The following LHFPL2 variants were observed in gnomAD, a reference collection of about 807,000 sequenced individuals.
The protein encoded by LHFPL2 is LHFPL tetraspan subfamily member 2.
In LHFPL2, 7 loss-of-function variants were observed where a neutral mutation model predicts 17.5. The observed-to-expected ratio is 0.40, with a 90% confidence interval of 0.23 to 0.75. The LOEUF (loss-of-function observed/expected upper bound fraction) is 0.75, where lower values mean the gene tolerates loss of function less well. LHFPL2 is among the 30% of genes least tolerant of loss of function. LHFPL2 has a pLI of 0.37. For missense variants in LHFPL2, 241 were observed against 294.8 expected (o/e 0.82, Z 1.34); for synonymous variants, 134 against 116.2 (o/e 1.15, Z -0.99).
chr5:78,522,901 CA>C (rs1755499638), intron 3 of LHFPL2, among the ~76,000 whole-genome samples: 1 of 152,134 alleles, frequency 6.6e-6, no homozygotes, highest in Admixed American at 6.5e-5. Context: ...GGGAAGTAAA[CA>C]GACGGTTAAT....
chr5:78,560,167 T>C (rs1756687514), intron 3 of LHFPL2, among the ~76,000 whole-genome samples: 1 of 152,198 alleles, frequency 6.6e-6, no homozygotes, highest in Admixed American at 6.5e-5. Context: ...ATGTGGCCTA[T>C]CCTCAAACCC....
intron 3 of LHFPL2, among the ~76,000 whole-genome samples, chr5:78,538,513 G>C (rs1367734319): frequency 2.0e-5 from 3 of 152,150 alleles, no homozygotes; most frequent in African/African-American, 7.2e-5. Context: ...ACACAACACA[G>C]TATTCTAGTT....
intron 3 of LHFPL2, among the ~76,000 whole-genome samples, chr5:78,526,321 G>A (rs1469955469): frequency 6.6e-6 from 1 of 152,186 alleles, no homozygotes; most frequent in African/African-American, 2.4e-5. Flanking sequence ...GGTAGCTGAA[G>A]TCTGAAATAA....
chr5:78,546,466 T>C (rs1353777896), intron 3 of LHFPL2, among the ~76,000 whole-genome samples: 1 of 152,166 alleles, frequency 6.6e-6, no homozygotes, highest in African/African-American at 2.4e-5. Flanking sequence ...AGACTCAGCT[T>C]CCCCATGCAT....
intron 1 of LHFPL2, among the ~76,000 whole-genome samples, chr5:78,647,611 G>GA (rs1227836526): frequency 6.6e-6 from 1 of 152,110 alleles, no homozygotes; most frequent in African/African-American, 2.4e-5. Flanking sequence ...TCACAACAGA[G>GA]AAAATGGGAC....
chr5:78,571,357 G>C (rs549554833), intron 2 of LHFPL2, among the ~76,000 whole-genome samples: 1 of 152,228 alleles, frequency 6.6e-6, no homozygotes, highest in African/African-American at 2.4e-5. Context: ...CTCTGCTCAA[G>C]ACCCAACTTC....
At chr5:78,490,041 G>C (rs1442398682) in intron 4 of LHFPL2, among the ~76,000 whole-genome samples, 1 of 152,180 alleles carries the variant, frequency 6.6e-6, no homozygotes, top group African/African-American at 2.4e-5. Context: ...AGATGTTTCT[G>C]TATTTATATA....
rs1414378024 is a variant in LHFPL2 at position 78,581,882 on chromosome 5, T to G, written c.-244-17011A>C. ...AAGGAGTGGTACCAGTTCCTCCTTG[T>G]ACCTCTGGTAGAATTCGGCTGTGAA... On this transcript the variant is annotated intron_variant, in intron 2 of 4. Coordinates refer to ENST00000380345, the MANE Select transcript of LHFPL2 (RefSeq NM_005779.3). Among the ~76,000 whole-genome samples the G allele has an allele frequency of 1.3e-4, 20 of 152,386 alleles. No individual in the cohort carries two copies. In the East Asian group the frequency reaches 3.9e-3, roughly 29 times the overall value.
Position 78,648,269 on chromosome 5 carries a change from G to A in LHFPL2, c.-350+230C>T, listed in dbSNP as rs1197183668. 6.6e-6 allele frequency among the ~76,000 whole-genome samples: 1 copy of A among 152,078 alleles called. No individual in the cohort carries two copies. Among genetic ancestry groups the A allele is most frequent in the East Asian group, 1.9e-4 (1 of 5,178 alleles). ...CGGCCGCCGGCGGCGCTGAGAAGCAGCTGTTCCCTTCCCATTCCCAGCACC... is the reference window on the plus strand; with the variant it reads ...CGGCCGCCGGCGGCGCTGAGAAGCAACTGTTCCCTTCCCATTCCCAGCACC... On this transcript the variant is annotated intron_variant, in intron 1 of 4. Coordinates refer to ENST00000380345, the MANE Select transcript of LHFPL2 (RefSeq NM_005779.3). The surrounding 1 kb of genome is among the most constrained non-coding windows in gnomAD (Gnocchi z 5.4).
At chr5:78,514,114 T>C (rs1755217521) in intron 3 of LHFPL2, among the ~76,000 whole-genome samples, 1 of 152,192 alleles carries the variant, frequency 6.6e-6, no homozygotes, top group Non-Finnish European at 1.5e-5. Flanking sequence ...ACAGCCCTCT[T>C]CGGCCTGGCA....
intron 2 of LHFPL2, among the ~76,000 whole-genome samples, chr5:78,617,054 G>A (rs185336408): frequency 2.6e-5 from 4 of 151,326 alleles, no homozygotes; most frequent in African/African-American, 4.9e-5. Flanking sequence ...TTGAGATGGA[G>A]TTTTACTCTT....
intron 2 of LHFPL2, among the ~76,000 whole-genome samples, chr5:78,565,362 GA>G (rs1580811911): frequency 6.6e-6 from 1 of 152,116 alleles, no homozygotes; most frequent in Non-Finnish European, 1.5e-5. Flanking sequence ...TGGGAAAGTG[GA>G]AAAAGGGCCA....
intron 1 of LHFPL2, among the ~76,000 whole-genome samples, chr5:78,637,310 G>A (rs557232730): frequency 1.6e-4 from 24 of 151,778 alleles, no homozygotes; most frequent in African/African-American, 5.8e-4. Flanking sequence ...TTTAATGGAA[G>A]GAAGTTAGAG....
intron 1 of LHFPL2, among the ~76,000 whole-genome samples, chr5:78,645,591 C>CACACACACACACAT (rs1195015805): frequency 1.6e-5 from 2 of 126,592 alleles, no homozygotes; most frequent in Admixed American, 7.8e-5. Context: ...CACACACACA[C>CACACACACACACAT]ATTTTTTTTG....
rs148530623 is a variant in LHFPL2, at chr5:78,507,207, G to A, written c.430+2577C>T. Among the ~76,000 whole-genome samples, 655 of 152,220 alleles carry A rather than the reference G, an allele frequency of 4.3e-3. 6 individuals carry two copies. The highest frequency in any genetic ancestry group is 0.015 in the African/African-American group (623 of 41,548). ...TAGCCAGGCATGGTGGCAGGTGCCT[G>A]TCATCCCAGGTACTTGGGAGGCTGA... On this transcript the variant is annotated intron_variant, in intron 4 of 4. Coordinates refer to ENST00000380345, the MANE Select transcript of LHFPL2 (RefSeq NM_005779.3).
intron 3 of LHFPL2, among the ~76,000 whole-genome samples, chr5:78,547,067 C>T (rs1756299600): frequency 6.6e-6 from 1 of 151,990 alleles, no homozygotes; most frequent in African/African-American, 2.4e-5. Flanking sequence ...CCCCCATCAC[C>T]TCCAGGTAGC....
In LHFPL2 at chr5:78,547,666, C is replaced by CA. The variant is rs200894390; in HGVS notation, c.-186+17146dup. Among the ~76,000 whole-genome samples the CA allele has an allele frequency of 5.7e-4, 85 of 148,836 alleles. 1 individual carries two copies. The East Asian group carries it at 8.0e-3, about 14-fold the overall frequency. ...CACACGTATGAAATATTAACAGGGA[C>CA]AAAAAAAAAATTGAGAAATTCAGAG... On this transcript the variant is annotated intron_variant, in intron 3 of 4. Coordinates refer to ENST00000380345, the MANE Select transcript of LHFPL2 (RefSeq NM_005779.3).
chr5:78,505,655 A>G (rs2112313636), intron 4 of LHFPL2, among the ~76,000 whole-genome samples: 1 of 152,344 alleles, frequency 6.6e-6, no homozygotes, highest in East Asian at 1.9e-4. Flanking sequence ...GTTTGATTGG[A>G]ACAGAGTAAG....
intron 2 of LHFPL2, among the ~76,000 whole-genome samples, chr5:78,577,137 T>A (rs1412661720): frequency 1.3e-5 from 2 of 152,176 alleles, no homozygotes; most frequent in African/African-American, 4.8e-5. Context: ...AGCAACAATA[T>A]CATACAGTGC....
Sources: allele counts gnomAD v4.1 joint callset (sites outside exome capture counted in the v4.1 genomes callset), GRCh38; gene constraint gnomAD v4.1.1; non-coding constraint Gnocchi (gnomAD v3.1); transcripts MANE v1.5; gene names NCBI Gene and HGNC (gene_info 2026-07-23, HGNC 2026-07-21).